The following PPARGC1A variants were observed in gnomAD, a reference collection of about 807,000 sequenced individuals.
PPARGC1A encodes PPARG coactivator 1 alpha.
Under a neutral mutation model 88.7 loss-of-function variants are expected in PPARGC1A, and 25 were observed. That is an observed-to-expected ratio of 0.28 (90% confidence interval 0.21 to 0.39). PPARGC1A has a LOEUF of 0.39. Ranked by LOEUF, PPARGC1A falls within the 10% of genes least tolerant of loss-of-function variation. PPARGC1A has a pLI of 1.00. For synonymous variants in PPARGC1A, 363 were observed against 355.6 expected (o/e 1.02, Z -0.24); for missense variants, 880 against 968.7 (o/e 0.91, Z 1.22).
At chr4:24,452,111 A>G in the PPARGC1A span, among the ~76,000 whole-genome samples, 1 of 152,216 alleles carries the variant, frequency 6.6e-6, no homozygotes, top group East Asian at 1.9e-4. Flanking sequence ...TACTTCTAGC[A>G]GAAGAATTAC....
At chr4:23,945,888 G>T in the PPARGC1A span, among the ~76,000 whole-genome samples, 2 of 152,122 alleles carry the variant, frequency 1.3e-5, no homozygotes, top group African/African-American at 4.8e-5. Context: ...CAATGCCAGT[G>T]ACTCACATGT....
intron 2 of PPARGC1A, among the ~76,000 whole-genome samples, chr4:23,842,653 T>C (rs1338124625): frequency 6.6e-6 from 1 of 152,060 alleles, no homozygotes; most frequent in Non-Finnish European, 1.5e-5. Context: ...TAGATGCCAG[T>C]AGCACACCTC....
the PPARGC1A span, among the ~76,000 whole-genome samples, chr4:23,929,869 T>C: frequency 6.6e-6 from 1 of 152,216 alleles, no homozygotes; most frequent in Non-Finnish European, 1.5e-5. Flanking sequence ...GCTAAGCCTT[T>C]ATGAGGCTCT....
the PPARGC1A span, among the ~76,000 whole-genome samples, chr4:24,021,210 C>T: frequency 6.6e-6 from 1 of 152,150 alleles, no homozygotes; most frequent in African/African-American, 2.4e-5. Context: ...GCAGCTGCCT[C>T]CAGGGGACTA....
At chr4:23,915,594 C>CT in the PPARGC1A span, among the ~76,000 whole-genome samples, 10 of 152,122 alleles carry the variant, frequency 6.6e-5, no homozygotes, top group African/African-American at 4.8e-5. Context: ...GGACAAGAGT[C>CT]TTTTTTTGTT....
At chr4:24,387,869 G>GA in the PPARGC1A span, among the ~76,000 whole-genome samples, 13 of 115,688 alleles carry the variant, frequency 1.1e-4, no homozygotes, top group African/African-American at 4.9e-4. Context: ...AGAGAGAAAG[G>GA]AAGAAAGAGA....
At chr4:24,265,092 C>T in the PPARGC1A span, among the ~76,000 whole-genome samples, 1 of 152,146 alleles carries the variant, frequency 6.6e-6, no homozygotes, top group African/African-American at 2.4e-5. Flanking sequence ...GGAAAACTCC[C>T]ATGTGACAGT....
At chr4:24,165,588 G>A in the PPARGC1A span, among the ~76,000 whole-genome samples, 2 of 152,250 alleles carry the variant, frequency 1.3e-5, no homozygotes, top group Middle Eastern at 3.4e-3. Flanking sequence ...CCAATAGCAC[G>A]TGCTTATTTC....
the PPARGC1A span, among the ~76,000 whole-genome samples, chr4:24,145,937 T>A: frequency 6.6e-6 from 1 of 152,188 alleles, no homozygotes; most frequent in Non-Finnish European, 1.5e-5. Flanking sequence ...ATTTCAATGT[T>A]GGGAGAGGCA....
chr4:24,170,869 G>T, the PPARGC1A span, among the ~76,000 whole-genome samples: 2 of 152,124 alleles, frequency 1.3e-5, no homozygotes, highest in African/African-American at 4.8e-5. Context: ...TTCCAAAGGC[G>T]TCATTGCCTC....
chr4:23,986,206 A>G, the PPARGC1A span, among the ~76,000 whole-genome samples: 1 of 152,100 alleles, frequency 6.6e-6, no homozygotes, highest in South Asian at 2.1e-4. Context: ...GATACATCAC[A>G]GTATTAATTG....
chr4:24,454,551 C>T, the PPARGC1A span, among the ~76,000 whole-genome samples: 2 of 147,186 alleles, frequency 1.4e-5, no homozygotes, highest in Non-Finnish European at 1.5e-5. Flanking sequence ...GCCTGGACAA[C>T]ATGACAAGAC....
At chr4:24,430,254 TC>T in the PPARGC1A span, among the ~76,000 whole-genome samples, 2 of 139,142 alleles carry the variant, frequency 1.4e-5, no homozygotes, top group East Asian at 2.1e-4. Context: ...ATTTTGTATT[TC>T]TTTTTTTTTT....
At chr4:24,017,837 T>C in the PPARGC1A span, among the ~76,000 whole-genome samples, 3 of 152,228 alleles carry the variant, frequency 2.0e-5, no homozygotes, top group Non-Finnish European at 4.4e-5. Flanking sequence ...TGTGAAAGTA[T>C]GATAGCTTTG....
chr4:24,254,797 C>T, the PPARGC1A span, among the ~76,000 whole-genome samples: 1 of 152,204 alleles, frequency 6.6e-6, no homozygotes, highest in Non-Finnish European at 1.5e-5. Context: ...ATGCAATTAT[C>T]TCATTGTATT....
the PPARGC1A span, among the ~76,000 whole-genome samples, chr4:24,070,724 T>C: frequency 6.6e-6 from 1 of 152,302 alleles, no homozygotes; most frequent in East Asian, 1.9e-4. Context: ...TATTTTTGCA[T>C]AGTCTGTGAG....
the PPARGC1A span, among the ~76,000 whole-genome samples, chr4:24,070,993 C>T: frequency 6.6e-6 from 1 of 152,136 alleles, no homozygotes; most frequent in African/African-American, 2.4e-5. Flanking sequence ...AGCAATTTTG[C>T]CAATCCCTTG....
intron 2 of PPARGC1A, among the ~76,000 whole-genome samples, chr4:23,833,256 G>T (rs1253894948): frequency 1.3e-5 from 2 of 152,196 alleles, no homozygotes; most frequent in Non-Finnish European, 2.9e-5. Flanking sequence ...TGGACAACCA[G>T]TACCAACACT....
At chr4:24,159,361 C>A in the PPARGC1A span, among the ~76,000 whole-genome samples, 8 of 152,036 alleles carry the variant, frequency 5.3e-5, no homozygotes, top group South Asian at 1.0e-3. Context: ...TAGGCATGCA[C>A]CACCACCCCT....
Sources: allele counts gnomAD v4.1 joint callset (sites outside exome capture counted in the v4.1 genomes callset), GRCh38; gene constraint gnomAD v4.1.1; transcripts MANE v1.5; gene names NCBI Gene and HGNC (gene_info 2026-07-23, HGNC 2026-07-21).